The following UPF2 variants were observed in gnomAD, a reference collection of about 807,000 sequenced individuals.
UPF2 encodes the protein UPF2 regulator of nonsense mediated mRNA decay.
UPF2 carries 17 observed loss-of-function variants against 141.4 expected under a neutral mutation model. The ratio of observed to expected loss-of-function variants is 0.12; its 90% CI spans 0.08 to 0.18. The LOEUF is 0.18. UPF2 is among the 10% of genes least tolerant of loss of function. The probability of loss-of-function intolerance (pLI) is 1.00; values close to 1 mark genes in which losing one functional copy is unlikely to be tolerated. For missense variants in UPF2, 1,152 were observed against 1,515.9 expected (o/e 0.76, Z 3.99); for synonymous variants, 540 against 498.0 (o/e 1.08, Z -1.12).
At chr10:11,961,200 TAAC>T in intron 11 of UPF2, among the ~76,000 whole-genome samples, 1 of 151,878 alleles carries the variant, frequency 6.6e-6, no homozygotes, top group East Asian at 1.9e-4. Context: ...ACAAGAAACT[TAAC>T]AGTCTTGTGT....
intron 18 of UPF2, among the ~76,000 whole-genome samples, chr10:11,937,002 C>T (rs986445362): frequency 6.6e-6 from 1 of 152,216 alleles, no homozygotes; most frequent in African/African-American, 2.4e-5. Context: ...CGGGTTCTAC[C>T]AAATCCCCCT....
Position 12,000,022 on chromosome 10 carries a change from T to TA in UPF2, c.1655-14dup, listed in dbSNP as rs766869242. ...TCATCTTCTTGTTCTAATGTAAAAT[T>TA]AGTTTTTAAATAGGTTAAAAAAAAA... On this transcript the variant is annotated splice_polypyrimidine_tract_variant and intron_variant, in intron 6 of 21. Coordinates refer to ENST00000357604, the MANE Select transcript of UPF2 (RefSeq NM_015542.4). The TA allele has an allele frequency of 2.8e-5, 44 of 1,579,128 alleles. No individual in the cohort carries two copies. The Middle Eastern group carries it at 6.7e-4, about 24-fold the overall frequency.
chr10:12,039,903 G>A (rs1942897778), intron 1 of UPF2, among the ~76,000 whole-genome samples: 1 of 152,114 alleles, frequency 6.6e-6, no homozygotes, highest in African/African-American at 2.4e-5. Flanking sequence ...TTACAGGCAT[G>A]AGCCACTGTG....
chr10:11,972,882 C>A (rs1324777381), intron 9 of UPF2, among the ~76,000 whole-genome samples: 2 of 152,112 alleles, frequency 1.3e-5, no homozygotes, highest in Non-Finnish European at 2.9e-5. Flanking sequence ...GATTTATAAT[C>A]CTTTGGGTAT....
Position 11,957,838 on chromosome 10 carries a change from A to G in UPF2, c.2371-1315T>C, listed in dbSNP as rs1026735020. Reference sequence around the variant, plus strand: ...GCTAATAATCTCACTTAAAAAATAAAATCATTAATTTCCAACAAATAAATA... The same window carrying G: ...GCTAATAATCTCACTTAAAAAATAAGATCATTAATTTCCAACAAATAAATA... On this transcript the variant is annotated intron_variant, in intron 12 of 21. Coordinates refer to ENST00000357604, the MANE Select transcript of UPF2 (RefSeq NM_015542.4). Among the ~76,000 whole-genome samples the G allele has an allele frequency of 2.6e-5, 4 of 152,198 alleles. No individual in the cohort carries two copies. In the South Asian group the frequency reaches 8.3e-4, roughly 31 times the overall value.
At chr10:11,934,013 T>C (rs1238855600) in intron 19 of UPF2, among the ~76,000 whole-genome samples, 2 of 152,228 alleles carry the variant, frequency 1.3e-5, no homozygotes, top group Non-Finnish European at 2.9e-5. Context: ...GACAGATATG[T>C]GCATGTGTGC....
chr10:11,921,211 T>C lies in UPF2; in HGVS notation c.*87A>G. The C allele has an allele frequency of 6.4e-7, 1 of 1,562,986 alleles. No homozygotes were observed. Among genetic ancestry groups the C allele is most frequent in the Non-Finnish European group, 8.8e-7 (1 of 1,133,340 alleles). On this transcript the variant is annotated 3_prime_UTR_variant, in exon 22 of 22. Transcript: ENST00000357604. This position sits in a 1 kb window ranked among gnomAD's most constrained non-coding sequence, Gnocchi z 5.9. Reference sequence around the variant, plus strand: ...CTCTCTAGACCGACCTGCTGAGATGTGTCCACTGCTCTCATTCAATTGCTG... The same window carrying C: ...CTCTCTAGACCGACCTGCTGAGATGCGTCCACTGCTCTCATTCAATTGCTG...
At chr10:12,005,924 G>A (rs538990083) in intron 4 of UPF2, among the ~76,000 whole-genome samples, 14 of 152,150 alleles carry the variant, frequency 9.2e-5, no homozygotes, top group African/African-American at 3.1e-4. Flanking sequence ...CTGCTGCCAA[G>A]GCTGGCGTGC....
rs765650243 is a variant in UPF2 at position 11,931,719 on chromosome 10, C to T, written c.3610G>A (p.Ala1204Thr). ...LAANHWNQQQ[A>T]EQEERMRMKK... ...ATTCTCATCCTCTCTTCTTGTTCTGCCTGTTGCTGGTTCCAGTGATTTGCA... is the reference window on the plus strand; with the variant it reads ...ATTCTCATCCTCTCTTCTTGTTCTGTCTGTTGCTGGTTCCAGTGATTTGCA... The change falls in exon 20 of 22, where the codon GCA becomes ACA. Residue 1204 changes from alanine to threonine, a missense_variant. Physicochemically the swap from Ala to Thr is moderately conservative, Grantham distance 58 (BLOSUM62 0). Transcript: ENST00000357604. This position sits in a 1 kb window ranked among gnomAD's most constrained non-coding sequence, Gnocchi z 5.9. 1 of 1,613,532 alleles carries T rather than the reference C, an allele frequency of 6.2e-7. No homozygotes were observed. The highest frequency in any genetic ancestry group is 8.5e-7 in the Non-Finnish European group (1 of 1,179,910).
intron 4 of UPF2, among the ~76,000 whole-genome samples, chr10:12,011,743 C>T (rs1834131104): frequency 6.6e-6 from 1 of 151,694 alleles, no homozygotes; most frequent in South Asian, 2.1e-4. Flanking sequence ...GTTGGGAGTT[C>T]GAGACCAGCC....
chr10:11,933,881 T>C (rs1255842335), intron 19 of UPF2, among the ~76,000 whole-genome samples: 1 of 152,250 alleles, frequency 6.6e-6, no homozygotes, highest in Non-Finnish European at 1.5e-5. Context: ...AACTCTCTTT[T>C]AGTTAACAAA....
Position 12,016,797 on chromosome 10 carries a change from CG to C in UPF2, c.1146-2614del, listed in dbSNP as rs1276084784. Among the ~76,000 whole-genome samples, 3 of 151,560 alleles carry C rather than the reference CG, an allele frequency of 2.0e-5. No individual in the cohort carries two copies. The highest frequency in any genetic ancestry group is 4.4e-5 in the Non-Finnish European group (3 of 67,910). On this transcript the variant is annotated intron_variant, in intron 3 of 21. Coordinates refer to ENST00000357604, the MANE Select transcript of UPF2 (RefSeq NM_015542.4). The surrounding 1 kb of genome is among the most constrained non-coding windows in gnomAD (Gnocchi z 4.1). ...CAGCACTTTGGGAGGCCGAGGCAGG[CG>C]GATCACCTGAGGTGAGGAGTTCAAG...
intron 6 of UPF2, among the ~76,000 whole-genome samples, 189 bp from the exon 7 acceptor site, chr10:12,000,198 C>T (rs1833930360): frequency 1.3e-5 from 2 of 152,168 alleles, no homozygotes; most frequent in East Asian, 3.8e-4. Flanking sequence ...CAATTCACTA[C>T]AGTCCTTCAG....
At chr10:11,945,459 G>GACCA (rs1832989117) in intron 16 of UPF2, among the ~76,000 whole-genome samples, 1 of 151,928 alleles carries the variant, frequency 6.6e-6, no homozygotes, top group Non-Finnish European at 1.5e-5. Context: ...CTGGTCTTGG[G>GACCA]GTGAAAGGAG....
At position 11,939,172 on chromosome 10, in the gene UPF2, G is replaced by C. The variant is rs1478139736; in HGVS notation, c.3379-2460C>G. ...GGCATTGAGCCACTGTGCCTGGCCA[G>C]CAAGTTTCTTGTCTTTCCAAGCCTC... On this transcript the variant is annotated intron_variant, in intron 18 of 21. Coordinates refer to ENST00000357604, the MANE Select transcript of UPF2 (RefSeq NM_015542.4). The surrounding 1 kb of genome is among the most constrained non-coding windows in gnomAD (Gnocchi z 4.8). Among the ~76,000 whole-genome samples the C allele has an allele frequency of 6.6e-6, 1 of 151,980 alleles. No homozygotes were observed.
rs1345272727 is a variant in UPF2, at chr10:11,959,950, C to G, written c.2185-594G>C. ...GAGAACTTTACTACCAAGGTAACTT[C>G]TTTCATAACTTTGTGTCTAGGGTTG... On this transcript the variant is annotated intron_variant, in intron 11 of 21. Transcript: ENST00000357604. The surrounding 1 kb of genome is among the most constrained non-coding windows in gnomAD (Gnocchi z 5.9). Among the ~76,000 whole-genome samples the G allele has an allele frequency of 2.0e-5, 3 of 152,186 alleles. No individual in the cohort carries two copies. The highest frequency in any genetic ancestry group is 7.2e-5 in the African/African-American group (3 of 41,440).
intron 18 of UPF2, among the ~76,000 whole-genome samples, chr10:11,938,692 A>G (rs933739639): frequency 1.1e-4 from 17 of 151,910 alleles, no homozygotes; most frequent in African/African-American, 4.1e-4. Context: ...TTGCTATAGT[A>G]AAAGTATTAG....
chr10:12,026,449 A>G (rs1467364087), intron 3 of UPF2, among the ~76,000 whole-genome samples: 5 of 152,170 alleles, frequency 3.3e-5, no homozygotes, highest in Non-Finnish European at 7.3e-5. Flanking sequence ...GGTATTTAAC[A>G]TGGAGACGAG....
chr10:11,952,561 G>A (rs1833090775), intron 14 of UPF2, among the ~76,000 whole-genome samples: 1 of 134,190 alleles, frequency 7.5e-6, no homozygotes, highest in Non-Finnish European at 1.5e-5. Flanking sequence ...TGCAAGCTCC[G>A]CCTCCCAGGT....
Sources: allele counts gnomAD v4.1 joint callset (sites outside exome capture counted in the v4.1 genomes callset), GRCh38; gene constraint gnomAD v4.1.1; non-coding constraint Gnocchi (gnomAD v3.1); transcripts MANE v1.5; gene names NCBI Gene and HGNC (gene_info 2026-07-23, HGNC 2026-07-21).